The following ZNF462 variants were observed in gnomAD, a reference collection of about 807,000 sequenced individuals.
ZNF462 encodes the protein zinc finger PBX1-interacting protein.
Under a neutral mutation model 201.9 loss-of-function variants are expected in ZNF462, and 10 were observed. The ratio of observed to expected loss-of-function variants is 0.05; its 90% CI spans 0.03 to 0.08. The LOEUF is 0.08. Among genes scored for constraint, ZNF462 ranks in the 10% least tolerant of loss-of-function variants. The pLI is 1.00. For missense variants in ZNF462, 2,523 were observed against 3,168.3 expected (o/e 0.80, Z 4.89); for synonymous variants, 1,227 against 1,193.3 (o/e 1.03, Z -0.58).
At position 106,866,157 on chromosome 9, in the gene ZNF462, A is replaced by C. The variant is rs930124317; in HGVS notation, c.-31+2802A>C. 7.7e-4 allele frequency among the ~76,000 whole-genome samples: 117 copies of C among 152,238 alleles called. 1 individual carries two copies. The highest frequency in any genetic ancestry group is 2.7e-3 in the African/African-American group (114 of 41,470). On this transcript the variant is annotated intron_variant, in intron 1 of 12. Transcript: ENST00000277225. The stretch of plus-strand genomic sequence containing the variant: ...CTTTCAACTAAGAAGAAATATAGAA[A>C]GGTACCAGCTTCAACAGAAATAAGG...
chr9:106,908,927 A>T (rs1349484140), intron 1 of ZNF462, among the ~76,000 whole-genome samples: 6 of 27,538 alleles, frequency 2.2e-4, no homozygotes, highest in Non-Finnish European at 3.7e-4. Context: ...ATATATATAT[A>T]TATATATATA....
At chr9:106,948,107 G>A (rs186999661) in intron 7 of ZNF462, among the ~76,000 whole-genome samples, 4 of 152,238 alleles carry the variant, frequency 2.6e-5, no homozygotes, top group Non-Finnish European at 5.9e-5. Flanking sequence ...GATGTATGCA[G>A]GTGGATGGAA....
chr9:106,925,990 G>C lies in ZNF462; in HGVS notation c.2078G>C (p.Arg693Thr). ...CTAGATTTGTCACCCGTGAAGAAGA[G>C]AACCAGGATTGACGAGATAGCAAGC... The part of the protein sequence containing the change: ...FPLDLSPVKK[R>T]TRIDEIASNL... Residue 693 changes from arginine to threonine, a missense_variant, in exon 3 of 13, where the codon AGA becomes ACA. By Grantham distance (71) the Arg-to-Thr change is moderately conservative. Around this residue, in one of 15 missense-constraint regions of ZNF462, gnomAD observed 383 missense variants for 453.4 expected, o/e 0.84. Transcript: ENST00000277225. This position sits in a 1 kb window ranked among gnomAD's most constrained non-coding sequence, Gnocchi z 7.9. 1 of 1,614,172 alleles carries C rather than the reference G, an allele frequency of 6.2e-7. No individual in the cohort carries two copies. Among genetic ancestry groups the C allele is most frequent in the South Asian group, 1.1e-5 (1 of 91,076 alleles).
intron 1 of ZNF462, among the ~76,000 whole-genome samples, chr9:106,897,275 T>C (rs569030317): frequency 5.9e-5 from 9 of 152,342 alleles, no homozygotes; most frequent in Non-Finnish European, 1.2e-4. Flanking sequence ...TTATGTATTA[T>C]GTTTTGCAAC....
At chr9:106,986,940 T>TA (rs1199883432) in intron 10 of ZNF462, among the ~76,000 whole-genome samples, 2 of 152,066 alleles carry the variant, frequency 1.3e-5, no homozygotes, top group Admixed American at 1.3e-4. Flanking sequence ...CACATGCCAT[T>TA]AATACATTCC....
chr9:106,973,377 G>C (rs915587323), intron 8 of ZNF462, among the ~76,000 whole-genome samples: 1 of 151,988 alleles, frequency 6.6e-6, no homozygotes, highest in Non-Finnish European at 1.5e-5. Flanking sequence ...TTGATGGAAC[G>C]TGTGTTCTAT....
intron 7 of ZNF462, among the ~76,000 whole-genome samples, chr9:106,946,082 C>G (rs1400708242): frequency 2.0e-5 from 3 of 152,196 alleles, no homozygotes; most frequent in African/African-American, 4.8e-5. Context: ...TAATTCATCT[C>G]CCTGTTCCCA....
intron 1 of ZNF462, among the ~76,000 whole-genome samples, chr9:106,896,963 C>T (rs546842005): frequency 9.8e-5 from 15 of 152,306 alleles, no homozygotes; most frequent in African/African-American, 3.4e-4. Context: ...TGTGGGCTGA[C>T]TTGTTGGCCA....
intron 9 of ZNF462, among the ~76,000 whole-genome samples, chr9:106,983,886 G>C (rs1827629538): frequency 6.6e-6 from 1 of 152,118 alleles, no homozygotes; most frequent in South Asian, 2.1e-4. Context: ...CCTCCCCCTT[G>C]CCTTAATCAC....
At position 106,928,262 on chromosome 9, in the gene ZNF462, G is replaced by C. The variant is rs770934181; in HGVS notation, c.4350G>C (p.Leu1450=). The C allele has an allele frequency of 6.2e-7, 1 of 1,613,742 alleles. No homozygotes were observed. Among genetic ancestry groups the C allele is most frequent in the South Asian group, 1.1e-5 (1 of 91,056 alleles). Residue 1450 remains leucine (L), a synonymous_variant, in exon 3 of 13, where the codon CTG becomes CTC. Transcript: ENST00000277225. This position sits in a 1 kb window ranked among gnomAD's most constrained non-coding sequence, Gnocchi z 9.3. ...CTGAATGTCCAGAGGATGCAAGACT[G>C]TCCCCTGAGAAAAGCCTGCAGCTAG... is the stretch of plus-strand genomic sequence containing the variant. ...QEAECPEDAR[L]SPEKSLQLAS...
rs1830060116 is a variant in ZNF462 at position 106,923,343 on chromosome 9, T to C, written c.-30-11T>C. 1 of 1,602,904 alleles carries C rather than the reference T, an allele frequency of 6.2e-7. No individual in the cohort carries two copies. Among genetic ancestry groups the C allele is most frequent in the Non-Finnish European group, 8.5e-7 (1 of 1,170,760 alleles). ...ATTCCTTAAGATGTTTTGTTCTGACTTCTGCCACAGGTTCCTAATGTGAGA... is the reference window on the plus strand; with the variant it reads ...ATTCCTTAAGATGTTTTGTTCTGACCTCTGCCACAGGTTCCTAATGTGAGA... On this transcript the variant is annotated splice_polypyrimidine_tract_variant and intron_variant, in intron 1 of 12. Transcript: ENST00000277225. The surrounding 1 kb of genome is among the most constrained non-coding windows in gnomAD (Gnocchi z 5.6).
rs1830251877 is a variant in ZNF462, at chr9:106,927,608, C to G, written c.3696C>G (p.Thr1232=). The G allele has an allele frequency of 2.5e-6, 4 of 1,613,942 alleles. No individual in the cohort carries two copies. The highest frequency in any genetic ancestry group is 3.4e-6 in the Non-Finnish European group (4 of 1,179,954). ...NADVIRQHTA[T]IRSLCDRNQK... is the part of the protein sequence containing the mutation. The stretch of plus-strand genomic sequence containing the variant: ...ATGTGATCCGGCAGCATACGGCCAC[C>G]ATTCGAAGCCTCTGCGACCGAAATC... The change falls in exon 3 of 13, where the codon ACC becomes ACG. Residue 1232 remains threonine, a synonymous_variant. Coordinates refer to ENST00000277225, the MANE Select transcript of ZNF462 (RefSeq NM_021224.6).
intron 1 of ZNF462, among the ~76,000 whole-genome samples, chr9:106,901,892 C>T (rs752289806): frequency 1.4e-4 from 21 of 152,028 alleles, no homozygotes; most frequent in Admixed American, 1.1e-3. Context: ...TCCTCTTTAC[C>T]GATTTGGATG....
Position 106,924,509 on chromosome 9 carries a change from T to C in ZNF462, c.597T>C (p.Pro199=). ...AGACCACTGCTCCCCCACCTGCTCC[T>C]GCTCCAATGCCAGACCCTGTGGTTC... ...LKETTAPPPA[P]APMPDPVVPP... The change falls in exon 3 of 13, where the codon CCT becomes CCC. Residue 199 remains proline (P), a synonymous_variant. Coordinates refer to ENST00000277225, the MANE Select transcript of ZNF462 (RefSeq NM_021224.6). This position sits in a 1 kb window ranked among gnomAD's most constrained non-coding sequence, Gnocchi z 6.2. 6.2e-7 allele frequency: 1 copy of C among 1,614,158 alleles called. No individual in the cohort carries two copies. Among genetic ancestry groups the C allele is most frequent in the Non-Finnish European group, 8.5e-7 (1 of 1,180,026 alleles).
At chr9:106,943,350 C>T (rs1334988869) in intron 7 of ZNF462, among the ~76,000 whole-genome samples, 2 of 152,122 alleles carry the variant, frequency 1.3e-5, no homozygotes, top group Non-Finnish European at 2.9e-5. Context: ...CATTTCTCAT[C>T]AAGGAACCAC....
intron 10 of ZNF462, among the ~76,000 whole-genome samples, chr9:106,997,228 A>G (rs1828803588): frequency 6.6e-6 from 1 of 152,138 alleles, no homozygotes; most frequent in Non-Finnish European, 1.5e-5. Flanking sequence ...TGTTGATAGG[A>G]ATGTAAATTG....
chr9:106,959,549 A>G (rs778888471), intron 7 of ZNF462, among the ~76,000 whole-genome samples: 5 of 152,100 alleles, frequency 3.3e-5, no homozygotes, highest in Non-Finnish European at 7.4e-5. Flanking sequence ...GAAGTTGCCA[A>G]TGTTATCTTC....
At chr9:106,910,884 A>G (rs939251250) in intron 1 of ZNF462, among the ~76,000 whole-genome samples, 1 of 152,176 alleles carries the variant, frequency 6.6e-6, no homozygotes, top group Non-Finnish European at 1.5e-5. Context: ...CCTGCAATAT[A>G]GCTTTAGGGC....
rs1827114354 is a variant in ZNF462 at position 106,977,646 on chromosome 9, C to G, written c.6832+3373C>G. 6.6e-6 allele frequency among the ~76,000 whole-genome samples: 1 copy of G among 151,550 alleles called. No homozygotes were observed. The highest frequency in any genetic ancestry group is 1.5e-5 in the Non-Finnish European group (1 of 68,000). ...TGGGCAAAATGGGGAACATAAGACCCAGCACCCACTCTCCTCAGAGATGAG... is the reference window on the plus strand; with the variant it reads ...TGGGCAAAATGGGGAACATAAGACCGAGCACCCACTCTCCTCAGAGATGAG... On this transcript the variant is annotated intron_variant, in intron 9 of 12. Transcript: ENST00000277225. The surrounding 1 kb of genome is among the most constrained non-coding windows in gnomAD (Gnocchi z 4.6).
Sources: gnomAD v4.1 joint callset for allele counts (sites outside exome capture counted in the v4.1 genomes callset) on GRCh38, gnomAD v4.1.1 for gene constraint, gnomAD v4.1.1 regional missense constraint, Gnocchi (gnomAD v3.1) non-coding constraint, MANE v1.5 for transcripts, NCBI Gene and HGNC (gene_info 2026-07-23, HGNC 2026-07-21) for gene names.